Variants in CTXND2 observed in about 807,000 individuals in gnomAD.
The protein encoded by CTXND2 is cortexin domain containing 2.
exon 2 of CTXND2, chr1:150,912,345 G>C: frequency 2.5e-6 from 1 of 398,570 alleles, no homozygotes; most frequent in Non-Finnish European, 4.4e-6. Context: ...CAGTGGTGTT[G>C]ATGTGGACAA....
intron 1 of CTXND2, chr1:150,903,912 A>G (rs1224948498): frequency 1.6e-6 from 1 of 638,080 alleles, no homozygotes; most frequent in Non-Finnish European, 3.0e-6. Flanking sequence ...GATGTTGAGA[A>G]AGGCAAGAAG....
chr1:150,899,262 C>G (rs1197548708), intron 1 of CTXND2, among the ~76,000 whole-genome samples: 1 of 151,946 alleles, frequency 6.6e-6, no homozygotes, highest in Non-Finnish European at 1.5e-5. Flanking sequence ...TAGCAAGACC[C>G]CCATCTCTAC....
intron 1 of CTXND2, among the ~76,000 whole-genome samples, chr1:150,909,988 T>C (rs1033125064): frequency 1.3e-5 from 2 of 152,212 alleles, no homozygotes; most frequent in African/African-American, 2.4e-5. Context: ...TGGGATGATC[T>C]GGTTGAGTTT....
intron 1 of CTXND2, among the ~76,000 whole-genome samples, chr1:150,889,493 T>C (rs796291671): frequency 6.6e-6 from 1 of 152,132 alleles, no homozygotes; most frequent in African/African-American, 2.4e-5. Context: ...AGGAGTTTTC[T>C]TTATCACTTC....
At chr1:150,900,869 C>G (rs587626344) in intron 1 of CTXND2, among the ~76,000 whole-genome samples, 1 of 152,176 alleles carries the variant, frequency 6.6e-6, no homozygotes, top group Non-Finnish European at 1.5e-5. Context: ...TGGTGGCTCA[C>G]GCCTGTAATC....
chr1:150,898,172 TA>T (rs1429410577), intron 1 of CTXND2, among the ~76,000 whole-genome samples: 1 of 151,820 alleles, frequency 6.6e-6, no homozygotes, highest in Non-Finnish European at 1.5e-5. Flanking sequence ...TTTGTCTTTC[TA>T]GGATGATGTT....
In CTXND2 at chr1:150,898,928, A is replaced by AT. The variant is rs1260641528; in HGVS notation, c.-74+11615_-74+11616insT. On this transcript the variant is annotated intron_variant, in intron 1 of 1. Transcript: ENST00000636087. Reference sequence around the variant, plus strand: ...CTGTCTCTACTAAAAATACAAAAAAAAAAATATATATATATATATATTAGC... The same window carrying AT: ...CTGTCTCTACTAAAAATACAAAAAAATAAAATATATATATATATATATTAGC... Among the ~76,000 whole-genome samples the AT allele has an allele frequency of 1.4e-3, 191 of 141,316 alleles. 1 individual carries two copies. Among genetic ancestry groups the AT allele is most frequent in the Middle Eastern group, 3.7e-3 (1 of 272 alleles). The allele number at this position is 141,316 out of a possible 152,430, so 92.7% of individuals were successfully genotyped here. A position where few individuals can be genotyped will look rare whatever the true frequency, so the allele number is the denominator to read the frequency against.
chr1:150,890,808 T>C (rs1668841208), intron 1 of CTXND2, among the ~76,000 whole-genome samples: 1 of 152,158 alleles, frequency 6.6e-6, no homozygotes, highest in Admixed American at 6.6e-5. Context: ...TGGCCCAATG[T>C]GAAATTTTAT....
At chr1:150,899,183 G>A (rs187616832) in intron 1 of CTXND2, among the ~76,000 whole-genome samples, 14 of 152,218 alleles carry the variant, frequency 9.2e-5, no homozygotes, top group African/African-American at 1.4e-4. Flanking sequence ...GCTCACGCCT[G>A]TAATCCCAGT....
rs587763276 is a variant in CTXND2, at chr1:150,911,213, G to T, written c.-73-1029G>T. Among the ~76,000 whole-genome samples the T allele has an allele frequency of 1.7e-3, 252 of 152,050 alleles. 1 individual carries two copies. The highest frequency in any genetic ancestry group is 3.1e-3 in the Non-Finnish European group (210 of 67,980). On this transcript the variant is annotated intron_variant, in intron 1 of 1. Coordinates refer to ENST00000636087, the Ensembl canonical transcript of CTXND2. ...TCCGCCTGCCTCGGCCTCCCAAAGT[G>T]CTGGGATTACAGGCGTGAGCCACCG...
chr1:150,899,028 G>C (rs1668956125), intron 1 of CTXND2, among the ~76,000 whole-genome samples: 1 of 151,062 alleles, frequency 6.6e-6, no homozygotes, highest in Non-Finnish European at 1.5e-5. Flanking sequence ...AACCCGGGAG[G>C]GGGAGCTTGC....
chr1:150,900,711 G>A (rs1043088821), intron 1 of CTXND2, among the ~76,000 whole-genome samples: 2 of 152,084 alleles, frequency 1.3e-5, no homozygotes, highest in East Asian at 3.9e-4. Flanking sequence ...TATTATATAT[G>A]AAGGGGTAAT....
intron 1 of CTXND2, among the ~76,000 whole-genome samples, chr1:150,900,227 C>G (rs11204741): frequency 6.6e-6 from 1 of 151,956 alleles, no homozygotes; most frequent in African/African-American, 2.4e-5. Flanking sequence ...AGCTTCACTC[C>G]TGAAGTCAGT....
intron 1 of CTXND2, among the ~76,000 whole-genome samples, chr1:150,892,608 G>A (rs4970982): frequency 4.0e-5 from 6 of 149,238 alleles, no homozygotes; most frequent in African/African-American, 1.5e-4. Flanking sequence ...AAATGAACTC[G>A]GCTCACTGCA....
chr1:150,899,802 A>G, intron 1 of CTXND2, among the ~76,000 whole-genome samples: 1 of 152,174 alleles, frequency 6.6e-6, no homozygotes, highest in East Asian at 1.9e-4. Context: ...CTAAAAATAC[A>G]AAACACCAGC....
intron 1 of CTXND2, among the ~76,000 whole-genome samples, chr1:150,900,307 G>A (rs901869076): frequency 1.3e-5 from 2 of 151,774 alleles, no homozygotes; most frequent in African/African-American, 2.4e-5. Flanking sequence ...AACACTCACT[G>A]CGAAGGTCTG....
At chr1:150,887,929 T>G (rs1050081173) in intron 1 of CTXND2, among the ~76,000 whole-genome samples, 19 of 152,058 alleles carry the variant, frequency 1.2e-4, no homozygotes, top group Admixed American at 3.3e-4. Flanking sequence ...GATTTGTAAA[T>G]GCCATTATTC....
intron 1 of CTXND2, among the ~76,000 whole-genome samples, chr1:150,900,808 A>G (rs1033727979): frequency 1.3e-5 from 2 of 152,162 alleles, no homozygotes; most frequent in Admixed American, 1.3e-4. Flanking sequence ...ACATGAACAG[A>G]CCATTTACAT....
At chr1:150,910,055 CAACAT>C (rs1669222116) in intron 1 of CTXND2, among the ~76,000 whole-genome samples, 1 of 150,970 alleles carries the variant, frequency 6.6e-6, no homozygotes, top group African/African-American at 2.4e-5. Context: ...AGAAGGAACT[CAACAT>C]AAAACAAATG....
Sources: allele counts gnomAD v4.1 joint callset (sites outside exome capture counted in the v4.1 genomes callset), GRCh38; gene constraint gnomAD v4.1.1; transcripts MANE v1.5; gene names NCBI Gene and HGNC (gene_info 2026-07-23, HGNC 2026-07-21).